DCDC2C: variants seen among roughly 807,000 people sequenced by gnomAD.
The protein encoded by DCDC2C is doublecortin domain-containing protein 2C.
DCDC2C carries 44 observed loss-of-function variants against 45.0 expected under a neutral mutation model. The ratio of observed to expected loss-of-function variants is 0.98; its 90% CI spans 0.77 to 1.26. DCDC2C has a LOEUF of 1.26. Among genes scored for constraint, DCDC2C ranks in the 50% most tolerant of loss-of-function variants. The pLI is 0.00. For missense variants in DCDC2C, 447 were observed against 468.9 expected (o/e 0.95, Z 0.43); for synonymous variants, 187 against 178.8 (o/e 1.05, Z -0.37).
chr2:3,754,604 T>C lies in DCDC2C; in HGVS notation c.696T>C (p.Asn232=). The C allele has an allele frequency of 6.5e-7, 1 of 1,549,796 alleles. No individual in the cohort carries two copies. Among genetic ancestry groups the C allele is most frequent in the Non-Finnish European group, 8.7e-7 (1 of 1,146,778 alleles). The part of the protein sequence containing the change: ...VPSEVQQRYA[N]VEKNSQRKKK... ...TTTTGTCTTGCAGAAGGTATGCGAA[T>C]GTTGAAAAAAACTCACAGAGAAAGA... Residue 232 remains asparagine, a synonymous_variant, in exon 6 of 11, where the codon AAT becomes AAC. Coordinates refer to ENST00000399143, the MANE Select transcript of DCDC2C (RefSeq NM_001287444.2).
intron 8 of DCDC2C, among the ~76,000 whole-genome samples, chr2:3,774,642 C>T (rs73144896): frequency 0.14 from 21,508 of 152,134 alleles, 2,458 homozygotes; most frequent in African/African-American, 0.31. Flanking sequence ...CCTCTCTTGT[C>T]CCTAGCCAGG....
At chr2:3,764,305 T>C (rs1274657281) in intron 6 of DCDC2C, among the ~76,000 whole-genome samples, 1 of 152,230 alleles carries the variant, frequency 6.6e-6, no homozygotes, top group Non-Finnish European at 1.5e-5. Context: ...GATTACGTTT[T>C]CCCTTTTCCA....
At chr2:3,768,385 GC>G (rs912596447) in intron 7 of DCDC2C, among the ~76,000 whole-genome samples, 81 of 152,174 alleles carry the variant, frequency 5.3e-4, no homozygotes, top group African/African-American at 1.9e-3. Context: ...CTTACTGGGT[GC>G]CCAGCTCTGA....
At position 3,703,687 on chromosome 2, in the gene DCDC2C, G is replaced by A. The variant is rs1667936438; in HGVS notation, c.-65G>A. On this transcript the variant is annotated 5_prime_UTR_variant, in exon 1 of 11. Coordinates refer to ENST00000399143, the MANE Select transcript of DCDC2C (RefSeq NM_001287444.2). The surrounding 1 kb of genome is among the most constrained non-coding windows in gnomAD (Gnocchi z 4.4). Reference sequence around the variant, plus strand: ...GGTGCCCGGGCCTGGGCGCGGCTCTGCAGGCGTCGCTGCCCGCGCTGCCGC... The same window carrying A: ...GGTGCCCGGGCCTGGGCGCGGCTCTACAGGCGTCGCTGCCCGCGCTGCCGC... The A allele has an allele frequency of 4.1e-6, 5 of 1,215,958 alleles. No homozygotes were observed. Among genetic ancestry groups the A allele is most frequent in the Admixed American group, 4.3e-5 (1 of 23,214 alleles). The allele number at this position is 1,215,958 out of a possible 1,614,324, so 75.3% of individuals were successfully genotyped here.
chr2:3,821,761 C>T (rs1221768855), intron 10 of DCDC2C, among the ~76,000 whole-genome samples: 1 of 152,226 alleles, frequency 6.6e-6, no homozygotes, highest in Non-Finnish European at 1.5e-5. Context: ...AGCTGTTTAT[C>T]CAAGGAGGCC....
chr2:3,710,444 G>A (rs1668175035), intron 2 of DCDC2C, among the ~76,000 whole-genome samples: 2 of 152,188 alleles, frequency 1.3e-5, no homozygotes, highest in South Asian at 4.2e-4. Flanking sequence ...ACTTACAAGC[G>A]AGGACATGTG....
At chr2:3,793,599 G>T (rs1670881529) in intron 10 of DCDC2C, among the ~76,000 whole-genome samples, 1 of 152,230 alleles carries the variant, frequency 6.6e-6, no homozygotes, top group Non-Finnish European at 1.5e-5. Flanking sequence ...AGGGGAAATG[G>T]AAGTGTCTCT....
At position 3,797,821 on chromosome 2, in the gene DCDC2C, T is replaced by TGGTGC. The variant is rs1671004601; in HGVS notation, c.1065+12722_1065+12726dup. Among the ~76,000 whole-genome samples the TGGTGC allele has an allele frequency of 2.0e-5, 3 of 151,228 alleles. No individual in the cohort carries two copies. In the East Asian group the frequency reaches 5.9e-4, roughly 30 times the overall value. On this transcript the variant is annotated intron_variant, in intron 10 of 10. Coordinates refer to ENST00000399143, the MANE Select transcript of DCDC2C (RefSeq NM_001287444.2). ...GGTCAATTTTGAAATAGGTGTGGTG[T>TGGTGC]GGTGCTGAAAAAAATGTATATTCTG...
intron 3 of DCDC2C, among the ~76,000 whole-genome samples, chr2:3,727,365 T>G (rs543582715): frequency 6.6e-5 from 10 of 152,314 alleles, no homozygotes; most frequent in African/African-American, 2.2e-4. Context: ...ACAGTTCACC[T>G]GGGGATATGA....
At chr2:3,744,021 G>A (rs1359640260) in intron 4 of DCDC2C, among the ~76,000 whole-genome samples, 2 of 152,230 alleles carry the variant, frequency 1.3e-5, no homozygotes, top group Admixed American at 6.5e-5. Context: ...ACTCTAAAAA[G>A]GGAGAAGGCT....
intron 10 of DCDC2C, among the ~76,000 whole-genome samples, chr2:3,806,253 T>A (rs1055282939): frequency 6.6e-6 from 1 of 152,244 alleles, no homozygotes. Flanking sequence ...GGGTTTTGTC[T>A]TGTTCTAAAC....
At chr2:3,705,107 T>C (rs1668032406) in intron 1 of DCDC2C, among the ~76,000 whole-genome samples, 1 of 152,218 alleles carries the variant, frequency 6.6e-6, no homozygotes, top group South Asian at 2.1e-4. Context: ...TCAAAAATGC[T>C]CTGAATTAAA....
intron 2 of DCDC2C, among the ~76,000 whole-genome samples, chr2:3,714,407 C>T (rs535723258): frequency 1.7e-3 from 254 of 152,206 alleles, no homozygotes; most frequent in African/African-American, 5.9e-3. Context: ...TATTATAGTA[C>T]AACATTGAGA....
intron 10 of DCDC2C, among the ~76,000 whole-genome samples, chr2:3,791,150 G>A (rs900484723): frequency 1.3e-5 from 2 of 152,098 alleles, no homozygotes; most frequent in Admixed American, 1.3e-4. Context: ...TAGAAAGCTT[G>A]TATCCCTCTA....
intron 10 of DCDC2C, among the ~76,000 whole-genome samples, chr2:3,785,605 C>T (rs749489349): frequency 3.9e-5 from 6 of 152,096 alleles, no homozygotes; most frequent in Non-Finnish European, 7.4e-5. Flanking sequence ...GGGAACCACA[C>T]CTGGCAGCGG....
intron 10 of DCDC2C, among the ~76,000 whole-genome samples, chr2:3,789,247 A>C (rs1018223839): frequency 6.6e-6 from 1 of 152,196 alleles, no homozygotes; most frequent in Non-Finnish European, 1.5e-5. Context: ...AAAAACTGCC[A>C]AGCACCACAC....
intron 10 of DCDC2C, among the ~76,000 whole-genome samples, chr2:3,846,306 G>T (rs1265416221): frequency 6.6e-6 from 1 of 151,034 alleles, no homozygotes; most frequent in South Asian, 2.1e-4. Context: ...TTGTGACAGG[G>T]TCTCACTCTG....
In DCDC2C at chr2:3,847,808, G is replaced by C. The variant is rs1355111666; in HGVS notation, c.*625G>C. ...TTGCTGTTCTCGTGATAGTGAGTGA[G>C]TGCTCCCGAGATCCAGTTGTTTAAA... On this transcript the variant is annotated 3_prime_UTR_variant, in exon 11 of 11. Transcript: ENST00000399143. Among the ~76,000 whole-genome samples the C allele has an allele frequency of 1.3e-5, 2 of 152,054 alleles. No homozygotes were observed. The highest frequency in any genetic ancestry group is 2.9e-5 in the Non-Finnish European group (2 of 68,020).
intron 4 of DCDC2C, among the ~76,000 whole-genome samples, chr2:3,747,832 C>T (rs1572582096): frequency 6.6e-6 from 1 of 152,192 alleles, no homozygotes. Context: ...GATGCATGCT[C>T]AGGAGCAGAC....
Sources: gnomAD v4.1 joint callset for allele counts (sites outside exome capture counted in the v4.1 genomes callset) on GRCh38, gnomAD v4.1.1 for gene constraint, Gnocchi (gnomAD v3.1) non-coding constraint, MANE v1.5 for transcripts, NCBI Gene and HGNC (gene_info 2026-07-23, HGNC 2026-07-21) for gene names.